Variants in EIF2AK2 observed in about 807,000 individuals in gnomAD.
EIF2AK2 encodes interferon-induced, double-stranded RNA-activated protein kinase.
In EIF2AK2, 40 loss-of-function variants were observed where a neutral mutation model predicts 70.5. The ratio of observed to expected loss-of-function variants is 0.57; its 90% confidence interval spans 0.44 to 0.74. The LOEUF (loss-of-function observed/expected upper bound fraction) is 0.74. Among genes scored for constraint, EIF2AK2 ranks in the 30% least tolerant of loss-of-function variants. EIF2AK2 has a pLI of 0.00. For synonymous variants in EIF2AK2, 198 were observed against 220.9 expected (o/e 0.90, Z 0.92); for missense variants, 555 against 644.3 (o/e 0.86, Z 1.50).
intron 5 of EIF2AK2, among the ~76,000 whole-genome samples, chr2:37,141,223 C>T (rs4648178): frequency 0.038 from 5,852 of 152,272 alleles, 128 homozygotes; most frequent in Non-Finnish European, 0.059. Context: ...CAGTTACCAC[C>T]ATCATGTCCT....
chr2:37,134,075 T>C (rs1210034740), intron 10 of EIF2AK2, among the ~76,000 whole-genome samples: 1 of 152,200 alleles, frequency 6.6e-6, no homozygotes, highest in Admixed American at 6.5e-5. Flanking sequence ...TTCTTCAGCT[T>C]ATACATCCCT....
chr2:37,148,756 C>T, intron 2 of EIF2AK2, 101 bp downstream of exon 2: 2 of 834,486 alleles, frequency 2.4e-6, no homozygotes, highest in South Asian at 1.3e-5. Flanking sequence ...CGTGTTGTGA[C>T]CCATTTAACA....
chr2:37,155,951 AAAAG>A (rs1233546970), intron 1 of EIF2AK2, among the ~76,000 whole-genome samples: 2 of 47,186 alleles, frequency 4.2e-5, no homozygotes, highest in Admixed American at 2.0e-4. Context: ...AAAAAAAAAA[AAAAG>A]AAAAGAAAAG....
intron 15 of EIF2AK2, among the ~76,000 whole-genome samples, chr2:37,108,308 A>G (rs1179802634): frequency 2.0e-5 from 3 of 151,942 alleles, no homozygotes; most frequent in African/African-American, 7.3e-5. Context: ...CTCCAATACA[A>G]CTTACACTGC....
chr2:37,111,878 AAT>A (rs869140054), intron 14 of EIF2AK2, among the ~76,000 whole-genome samples: 1,882 of 68,834 alleles, frequency 0.027, 85 homozygotes, highest in East Asian at 0.14. Flanking sequence ...AAAAAAAAAA[AAT>A]ATATATATAT....
intron 11 of EIF2AK2, 116 bp downstream of exon 11, chr2:37,126,173 A>G: frequency 7.4e-7 from 1 of 1,344,234 alleles, no homozygotes. Context: ...GAAATGTTTA[A>G]TGAGGATCAG....
intron 10 of EIF2AK2, among the ~76,000 whole-genome samples, chr2:37,130,437 C>T (rs1479410705): frequency 6.6e-6 from 1 of 152,150 alleles, no homozygotes; most frequent in Non-Finnish European, 1.5e-5. Context: ...CCATTCTCCC[C>T]ACAATACTCC....
intron 12 of EIF2AK2, among the ~76,000 whole-genome samples, chr2:37,120,420 T>C (rs944861503): frequency 7.2e-6 from 1 of 139,576 alleles, no homozygotes; most frequent in African/African-American, 2.7e-5. Flanking sequence ...GGCAAGAGAA[T>C]GGCGTGAACC....
intron 2 of EIF2AK2, 37 bp from the exon 3 acceptor site, chr2:37,147,859 C>T: frequency 1.4e-6 from 2 of 1,420,194 alleles, no homozygotes; most frequent in Non-Finnish European, 2.0e-6. Flanking sequence ...GTGATGCTCA[C>T]AGAACATATT....
intron 14 of EIF2AK2, among the ~76,000 whole-genome samples, chr2:37,111,754 G>C (rs975770072): frequency 1.3e-5 from 2 of 148,718 alleles, no homozygotes; most frequent in Non-Finnish European, 3.0e-5. Flanking sequence ...GCTACTGAGG[G>C]GGCTGAGGCA....
chr2:37,135,687 G>C, intron 9 of EIF2AK2, 141 bp from the exon 10 acceptor site: 3 of 686,798 alleles, frequency 4.4e-6, no homozygotes, highest in Non-Finnish European at 4.8e-6. Flanking sequence ...GGAGTGCAGT[G>C]GTGTGATCAT....
chr2:37,144,740 C>T (rs1675467091), intron 4 of EIF2AK2, among the ~76,000 whole-genome samples: 1 of 152,026 alleles, frequency 6.6e-6, no homozygotes, highest in Non-Finnish European at 1.5e-5. Context: ...GCCACCAAGC[C>T]CGGCTAATGT....
At chr2:37,143,063 C>T (rs1423092445) in intron 4 of EIF2AK2, among the ~76,000 whole-genome samples, 1 of 151,992 alleles carries the variant, frequency 6.6e-6, no homozygotes, top group Non-Finnish European at 1.5e-5. Flanking sequence ...CCTGTCTCTA[C>T]TAAAAATATC....
At chr2:37,138,136 A>T in intron 8 of EIF2AK2, 134 bp downstream of exon 8, 5 of 504,334 alleles carry the variant, frequency 9.9e-6, no homozygotes, top group African/African-American at 2.0e-5. Flanking sequence ...AAGTCTACTG[A>T]GGTATTATCA....
At chr2:37,109,157 T>C in intron 15 of EIF2AK2, 37 bp downstream of exon 15, 2 of 1,602,138 alleles carry the variant, frequency 1.2e-6, no homozygotes, top group African/African-American at 1.3e-5. Flanking sequence ...TAGTCAGTAA[T>C]TTTTCTTGTT....
At chr2:37,122,058 C>T (rs1674572395) in intron 12 of EIF2AK2, among the ~76,000 whole-genome samples, 1 of 152,204 alleles carries the variant, frequency 6.6e-6, no homozygotes, top group Non-Finnish European at 1.5e-5. Context: ...GGTATAGTTA[C>T]ATTCCAAAGA....
chr2:37,109,553 T>C (rs894379589), intron 14 of EIF2AK2: 1 of 357,922 alleles, frequency 2.8e-6, no homozygotes, highest in Non-Finnish European at 5.1e-6. Flanking sequence ...ACCACAGAGT[T>C]TGATTGTGAG....
At chr2:37,136,470 C>T (rs1675130131) in intron 9 of EIF2AK2, among the ~76,000 whole-genome samples, 3 of 152,212 alleles carry the variant, frequency 2.0e-5, no homozygotes, top group Admixed American at 2.0e-4. Flanking sequence ...ATCCAAGCAT[C>T]CACATCAAGA....
At chr2:37,116,443 G>T (rs1445636185) in intron 13 of EIF2AK2, among the ~76,000 whole-genome samples, 2 of 152,128 alleles carry the variant, frequency 1.3e-5, no homozygotes, top group African/African-American at 4.8e-5. Flanking sequence ...TTAATATTTT[G>T]CTATTTTTGA....
Sources: gnomAD v4.1 joint callset for allele counts (sites outside exome capture counted in the v4.1 genomes callset) on GRCh38, gnomAD v4.1.1 for gene constraint, MANE v1.5 for transcripts, NCBI Gene and HGNC (gene_info 2026-07-23, HGNC 2026-07-21) for gene names.